Variants in ZC3HAV1 observed in about 807,000 individuals in gnomAD.
ZC3HAV1 encodes zinc finger CCCH-type antiviral protein 1.
A neutral mutation model predicts 86.6 loss-of-function variants in ZC3HAV1; 41 were observed. The ratio of observed to expected loss-of-function variants is 0.47; its 90% CI spans 0.37 to 0.61. The LOEUF (loss-of-function observed/expected upper bound fraction) is 0.61. Ranked by LOEUF, ZC3HAV1 falls within the 20% of genes least tolerant of loss-of-function variation. The pLI, the probability that ZC3HAV1 is intolerant of heterozygous loss-of-function variation, is 0.00. For synonymous variants in ZC3HAV1, 421 were observed against 432.1 expected, an observed-to-expected ratio of 0.97 and a Z score of 0.32; for missense variants, 964 against 1,141.1, an observed-to-expected ratio of 0.84 and a Z score of 2.24.
chr7:139,100,047 G>C (rs1350784555), intron 1 of ZC3HAV1, among the ~76,000 whole-genome samples: 1 of 151,734 alleles, frequency 6.6e-6, no homozygotes, highest in African/African-American at 2.4e-5. Flanking sequence ...AATAAAAATA[G>C]TTTTAGCCAT....
At chr7:139,087,169 A>C (rs1179052041) in intron 2 of ZC3HAV1, among the ~76,000 whole-genome samples, 1 of 152,160 alleles carries the variant, frequency 6.6e-6, no homozygotes, top group Non-Finnish European at 1.5e-5. Flanking sequence ...CCATGACAAG[A>C]CTGCATCTTG....
chr7:139,072,518 T>C (rs10245660), intron 7 of ZC3HAV1, among the ~76,000 whole-genome samples: 4,543 of 152,208 alleles, frequency 0.03, 228 homozygotes, highest in African/African-American at 0.1. Flanking sequence ...TTTTAATCTC[T>C]TGCTTTCATT....
intron 2 of ZC3HAV1, among the ~76,000 whole-genome samples, chr7:139,087,403 G>T (rs1817300262): frequency 6.6e-6 from 1 of 151,238 alleles, no homozygotes; most frequent in African/African-American, 2.4e-5. Context: ...GAGAGAGACA[G>T]AGGGACAGAG....
At chr7:139,060,214 A>G (rs756437950) in intron 9 of ZC3HAV1, 362 of 983,468 alleles carry the variant, frequency 3.7e-4, no homozygotes, top group South Asian at 2.7e-3. Flanking sequence ...TTCCTTTTTC[A>G]TCAAATAGCT....
intron 12 of ZC3HAV1, among the ~76,000 whole-genome samples, chr7:139,048,251 T>A (rs552961172): frequency 6.6e-6 from 1 of 152,304 alleles, no homozygotes; most frequent in Admixed American, 6.5e-5. Context: ...CGATTGCTGC[T>A]TCCATACACA....
At chr7:139,077,821 A>AAAT (rs1337634393) in intron 5 of ZC3HAV1, among the ~76,000 whole-genome samples, 12 of 141,984 alleles carry the variant, frequency 8.5e-5, no homozygotes, top group African/African-American at 3.3e-4. Flanking sequence ...AACAAACAAA[A>AAAT]AAGACAGGTT....
chr7:139,092,665 C>G (rs549851781), intron 1 of ZC3HAV1, among the ~76,000 whole-genome samples: 2 of 152,324 alleles, frequency 1.3e-5, no homozygotes, highest in South Asian at 4.1e-4. Flanking sequence ...CCTGGAACCT[C>G]AGGTGTCCAG....
chr7:139,044,994 C>T lies in ZC3HAV1; in HGVS notation c.*2600G>A, dbSNP rs1032309226. 2 of 152,188 alleles carry T rather than the reference C, an allele frequency of 1.3e-5. No homozygotes were observed. Among genetic ancestry groups the T allele is most frequent in the African/African-American group, 4.8e-5 (2 of 41,446 alleles). The allele number at this position is 152,188 out of a possible 1,614,324, so 9.4% of individuals were successfully genotyped here. Reference sequence around the variant, plus strand: ...TACATTTTCCCACATATGATCTGATCTCCTACCTTCTAAGTTCAAATTGAT... The same window carrying T: ...TACATTTTCCCACATATGATCTGATTTCCTACCTTCTAAGTTCAAATTGAT... On this transcript the variant is annotated 3_prime_UTR_variant, in exon 13 of 13. Transcript: ENST00000242351.
At chr7:139,087,343 T>C (rs1817298210) in intron 2 of ZC3HAV1, among the ~76,000 whole-genome samples, 1 of 151,116 alleles carries the variant, frequency 6.6e-6, no homozygotes, top group Admixed American at 6.6e-5. Flanking sequence ...CCTTTAAACC[T>C]TGGACTCCTG....
Position 139,083,887 on chromosome 7 carries a change from T to C in ZC3HAV1, c.590A>G (p.Lys197Arg), listed in dbSNP as rs143234647. 3.6e-5 allele frequency: 58 copies of C among 1,614,048 alleles called. No individual in the cohort carries two copies. Among genetic ancestry groups the C allele is most frequent in the Non-Finnish European group, 4.6e-5 (54 of 1,180,040 alleles). Residue 197 changes from lysine to arginine, a missense_variant, in exon 3 of 13, where the codon AAG (lysine) becomes AGG (arginine). Physicochemically the swap from Lys to Arg is conservative, Grantham distance 26. Coordinates refer to ENST00000242351, the MANE Select transcript of ZC3HAV1 (RefSeq NM_020119.4). ...GTGCTCCCTCATGATGGCCAGCACC[T>C]TTCTGTCCATCAGGTTATGGGACCG... The part of the protein sequence containing the change: ...CLRSHNLMDR[K>R]VLAIMREHGL...
chr7:139,079,240 G>A (rs1169243639), intron 4 of ZC3HAV1: 1 of 1,536,658 alleles, frequency 6.5e-7, no homozygotes, highest in South Asian at 1.2e-5. Flanking sequence ...GAGGCAGAGT[G>A]CTGACTTGTG....
rs758367275 is a variant in ZC3HAV1, at chr7:139,046,721, T to C, written c.*873A>G. On this transcript the variant is annotated 3_prime_UTR_variant, in exon 13 of 13. Transcript: ENST00000242351. ...TACAGTACTGCAGCCATGTCTGCAATAGCACTTCAATTTTACTTTTTTTTC... is the reference window on the plus strand; with the variant it reads ...TACAGTACTGCAGCCATGTCTGCAACAGCACTTCAATTTTACTTTTTTTTC... 3 of 151,884 alleles carry C rather than the reference T, an allele frequency of 2.0e-5. No homozygotes were observed. Among genetic ancestry groups the C allele is most frequent in the Non-Finnish European group, 4.4e-5 (3 of 68,068 alleles). The allele number at this position is 151,884 out of a possible 1,614,324, so 9.4% of individuals were successfully genotyped here. A position where few individuals can be genotyped will look rare whatever the true frequency, so the allele number is the denominator to read the frequency against.
chr7:139,088,897 G>A (rs1322752412), intron 2 of ZC3HAV1, among the ~76,000 whole-genome samples: 9 of 152,134 alleles, frequency 5.9e-5, no homozygotes, highest in Admixed American at 5.9e-4. Context: ...GAGGTCGGGA[G>A]TTCGAGGCCA....
At chr7:139,078,780 A>G in intron 4 of ZC3HAV1, 127 bp from the exon 5 acceptor site, 2 of 799,794 alleles carry the variant, frequency 2.5e-6, no homozygotes, top group Non-Finnish European at 3.8e-6. Flanking sequence ...CCTATGATTT[A>G]TGTTTTGCCC....
intron 1 of ZC3HAV1, among the ~76,000 whole-genome samples, chr7:139,099,916 AAAAT>A (rs112469477): frequency 1.1e-4 from 16 of 150,104 alleles, no homozygotes; most frequent in South Asian, 2.1e-4. Context: ...GACAGAACAA[AAAAT>A]AAATAAATAA....
In ZC3HAV1 at chr7:139,061,065, C is replaced by A. The variant is rs1228787791; in HGVS notation, c.2067G>T (p.Trp689Cys). The A allele has an allele frequency of 3.1e-6, 5 of 1,613,804 alleles. No homozygotes were observed. Among genetic ancestry groups the A allele is most frequent in the Non-Finnish European group, 4.2e-6 (5 of 1,179,988 alleles). Residue 689 changes from tryptophan to cysteine, a missense_variant, in exon 9 of 13, where the codon TGG becomes TGT. Transcript: ENST00000242351. ...GCCCTCTCTTCATCTGCTGCACATA[C>A]CACTGAGGCACAAATGTTGGTCTTC... ...VIRRPTFVPQ[W>C]YVQQMKRGPD... is the part of the protein sequence containing the mutation.
intron 3 of ZC3HAV1, among the ~76,000 whole-genome samples, chr7:139,081,192 T>C (rs573114161): frequency 2.0e-5 from 3 of 152,186 alleles, no homozygotes; most frequent in Non-Finnish European, 4.4e-5. Flanking sequence ...CGGGGGTACA[T>C]GTGGAAGATG....
intron 5 of ZC3HAV1, among the ~76,000 whole-genome samples, 169 bp downstream of exon 5, chr7:139,078,383 A>G (rs903550927): frequency 6.6e-6 from 1 of 152,212 alleles, no homozygotes; most frequent in East Asian, 1.9e-4. Flanking sequence ...TCAAAAAAAA[A>G]AATTAAACAT....
At chr7:139,054,727 A>G (rs1374853760) in intron 10 of ZC3HAV1, among the ~76,000 whole-genome samples, 1 of 152,130 alleles carries the variant, frequency 6.6e-6, no homozygotes, top group Non-Finnish European at 1.5e-5. Flanking sequence ...TGGGAAAGAG[A>G]ACCATTAGAT....
Sources: gnomAD v4.1 joint callset for allele counts (sites outside exome capture counted in the v4.1 genomes callset) on GRCh38, gnomAD v4.1.1 for gene constraint, MANE v1.5 for transcripts, NCBI Gene and HGNC (gene_info 2026-07-23, HGNC 2026-07-21) for gene names.